MYO3A: variants seen among roughly 807,000 people sequenced by gnomAD.
The protein encoded by MYO3A is myosin-IIIa.
A neutral mutation model predicts 192.7 loss-of-function variants in MYO3A; 180 were observed. The ratio of observed to expected loss-of-function variants is 0.93; its 90% CI spans 0.83 to 1.06. MYO3A has a LOEUF of 1.06. Among genes scored for constraint, MYO3A ranks in the 50% least tolerant of loss-of-function variants. The probability of loss-of-function intolerance (pLI) is 0.00; values close to 1 mark genes in which losing one functional copy is unlikely to be tolerated. For synonymous variants in MYO3A, 628 were observed against 645.3 expected (o/e 0.97, Z 0.41); for missense variants, 1,896 against 1,905.0 (o/e 1.00, Z 0.09).
intron 32 of MYO3A, among the ~76,000 whole-genome samples, chr10:26,196,671 C>A (rs1241564586): frequency 6.6e-6 from 1 of 152,174 alleles, no homozygotes; most frequent in Non-Finnish European, 1.5e-5. Flanking sequence ...CAAACACTTT[C>A]TGTAATTTTA....
At chr10:26,008,441 C>T (rs1182674501) in intron 6 of MYO3A, among the ~76,000 whole-genome samples, 1 of 148,276 alleles carries the variant, frequency 6.7e-6, no homozygotes, top group Admixed American at 6.6e-5. Flanking sequence ...TCAGAGTGAA[C>T]AGGCAACCTA....
chr10:25,945,661 T>G (rs959728391), intron 2 of MYO3A, among the ~76,000 whole-genome samples: 3 of 152,142 alleles, frequency 2.0e-5, no homozygotes, highest in Non-Finnish European at 2.9e-5. Context: ...GTAGATAGTA[T>G]ATAGTTGCAT....
chr10:26,179,082 C>T (rs1034004288), intron 31 of MYO3A, among the ~76,000 whole-genome samples: 2 of 129,620 alleles, frequency 1.5e-5, no homozygotes, highest in Admixed American at 8.3e-5. Context: ...ACACCGTGCC[C>T]AGCCTAATTT....
chr10:25,937,923 C>T (rs1836206283), intron 2 of MYO3A, among the ~76,000 whole-genome samples: 1 of 152,076 alleles, frequency 6.6e-6, no homozygotes, highest in African/African-American at 2.4e-5. Context: ...AATGTGTGTC[C>T]AGTTCATGTG....
At chr10:25,991,690 A>G (rs1264106704) in intron 4 of MYO3A, among the ~76,000 whole-genome samples, 3 of 152,190 alleles carry the variant, frequency 2.0e-5, no homozygotes, top group Non-Finnish European at 2.9e-5. Flanking sequence ...TAAGTTTTGT[A>G]TAAGGTGTAA....
At chr10:26,024,191 T>C (rs951414153) in intron 9 of MYO3A, 104 bp downstream of exon 9, 53 of 1,128,994 alleles carry the variant, frequency 4.7e-5, no homozygotes, top group Non-Finnish European at 6.7e-5. Flanking sequence ...GAGATTTCTA[T>C]TATTTTCTTC....
chr10:25,981,806 AAGAC>A (rs373457721), intron 4 of MYO3A, among the ~76,000 whole-genome samples: 21 of 152,376 alleles, frequency 1.4e-4, no homozygotes, highest in African/African-American at 4.8e-4. Context: ...GCTCCTACTC[AAGAC>A]AGACAGAGCA....
chr10:25,944,857 C>A (rs142099510), intron 2 of MYO3A, among the ~76,000 whole-genome samples: 5 of 152,030 alleles, frequency 3.3e-5, no homozygotes, highest in African/African-American at 1.2e-4. Flanking sequence ...TGTTGATTTT[C>A]TCTACATTTT....
At chr10:26,000,144 G>T (rs552909898) in intron 6 of MYO3A, among the ~76,000 whole-genome samples, 1 of 152,046 alleles carries the variant, frequency 6.6e-6, no homozygotes, top group Non-Finnish European at 1.5e-5. Flanking sequence ...ATGATCCTCC[G>T]TGCTGGAACA....
intron 2 of MYO3A, among the ~76,000 whole-genome samples, chr10:25,939,744 C>A (rs1407186183): frequency 6.6e-6 from 1 of 151,610 alleles, no homozygotes; most frequent in East Asian, 1.9e-4. Context: ...ATTAAATTCT[C>A]CTTGTTAATT....
chr10:26,030,847 A>G lies in MYO3A; in HGVS notation c.953+4315A>G, dbSNP rs1842771888. Among the ~76,000 whole-genome samples, 3 of 152,338 alleles carry G rather than the reference A, an allele frequency of 2.0e-5. No individual in the cohort carries two copies. In the South Asian group the frequency reaches 6.2e-4, roughly 32 times the overall value. On this transcript the variant is annotated intron_variant, in intron 10 of 34. Coordinates refer to ENST00000642920, the MANE Select transcript of MYO3A (RefSeq NM_017433.5). ...GAAAAGTGGAGTGTTGGGAGATACTATGGAATGGATATGAGAACTTTCTAT... is the reference window on the plus strand; with the variant it reads ...GAAAAGTGGAGTGTTGGGAGATACTGTGGAATGGATATGAGAACTTTCTAT...
intron 10 of MYO3A, among the ~76,000 whole-genome samples, chr10:26,036,079 GC>G (rs1054667473): frequency 2.6e-5 from 4 of 151,796 alleles, no homozygotes; most frequent in African/African-American, 9.7e-5. Context: ...GACTACAGGC[GC>G]CCACCACCAC....
At chr10:25,961,315 A>G (rs1837916811) in intron 4 of MYO3A, among the ~76,000 whole-genome samples, 1 of 152,128 alleles carries the variant, frequency 6.6e-6, no homozygotes, top group South Asian at 2.1e-4. Flanking sequence ...TTAAATCCCT[A>G]TTCTAATATC....
chr10:26,158,713 C>A (rs990334003), intron 26 of MYO3A, among the ~76,000 whole-genome samples: 5 of 151,714 alleles, frequency 3.3e-5, no homozygotes, highest in African/African-American at 1.2e-4. Flanking sequence ...TCAGTTCTAT[C>A]ATTTCTATTG....
At chr10:26,210,317 A>T (rs1293526497) in intron 34 of MYO3A, among the ~76,000 whole-genome samples, 1 of 152,188 alleles carries the variant, frequency 6.6e-6, no homozygotes, top group Non-Finnish European at 1.5e-5. Flanking sequence ...CCCACTGCAA[A>T]AATTATGCTT....
At chr10:25,945,644 G>A (rs141624357) in intron 2 of MYO3A, among the ~76,000 whole-genome samples, 6 of 152,120 alleles carry the variant, frequency 3.9e-5, no homozygotes, top group African/African-American at 1.2e-4. Flanking sequence ...ATGACTTGAA[G>A]TCTTTTGTAG....
chr10:26,024,010 T>C lies in MYO3A; in HGVS notation c.732-12T>C. ...AATATACAGAATCCAACATTGATTC[T>C]TATTTTTCTAGGAATCCACCCCCAA... On this transcript the variant is annotated splice_polypyrimidine_tract_variant and intron_variant, in intron 8 of 34. Transcript: ENST00000642920. 6.2e-7 allele frequency: 1 copy of C among 1,609,892 alleles called. No homozygotes were observed. Among genetic ancestry groups the C allele is most frequent in the Non-Finnish European group, 8.5e-7 (1 of 1,176,376 alleles).
At chr10:26,143,714 T>A in intron 21 of MYO3A, 113 bp downstream of exon 21, 2 of 1,314,562 alleles carry the variant, frequency 1.5e-6, no homozygotes, top group Non-Finnish European at 2.2e-6. Context: ...TCACAAAGCC[T>A]GCATATTTGA....
intron 4 of MYO3A, among the ~76,000 whole-genome samples, chr10:25,988,784 A>G (rs1362982887): frequency 6.6e-6 from 1 of 152,182 alleles, no homozygotes; most frequent in Non-Finnish European, 1.5e-5. Context: ...GCATTTAGAA[A>G]AAGAATGTGC....
Sources: allele counts gnomAD v4.1 joint callset (sites outside exome capture counted in the v4.1 genomes callset), GRCh38; gene constraint gnomAD v4.1.1; transcripts MANE v1.5; gene names NCBI Gene and HGNC (gene_info 2026-07-23, HGNC 2026-07-21).